The following NBEA variants were observed in gnomAD, a reference collection of about 807,000 sequenced individuals.
NBEA encodes the protein neurobeachin, also known as lysosomal-trafficking regulator 2.
In NBEA, 44 loss-of-function variants were observed where a neutral mutation model predicts 343.4. The observed-to-expected ratio is 0.13, with a 90% CI of 0.10 to 0.16. NBEA has a LOEUF of 0.16. Among genes scored for constraint, NBEA ranks in the 10% least tolerant of loss-of-function variants. The pLI, the probability that NBEA is intolerant of heterozygous loss-of-function variation, is 1.00. For synonymous variants in NBEA, 1,175 were observed against 1,238.7 expected, an observed-to-expected ratio of 0.95 and a Z score of 1.08; for missense variants, 2,555 against 3,631.3, an observed-to-expected ratio of 0.70 and a Z score of 7.62.
At chr13:35,534,455 C>T (rs527398979) in intron 41 of NBEA, among the ~76,000 whole-genome samples, 1 of 152,164 alleles carries the variant, frequency 6.6e-6, no homozygotes. Flanking sequence ...CAGTTTTAAT[C>T]TTATAACCAC....
intron 34 of NBEA, among the ~76,000 whole-genome samples, chr13:35,257,242 G>C (rs2032717877): frequency 6.6e-6 from 1 of 152,226 alleles, no homozygotes; most frequent in Admixed American, 6.5e-5. Context: ...ATTTTTATAT[G>C]AGGCATGTAC....
At chr13:35,209,054 A>G (rs561258431) in intron 32 of NBEA, among the ~76,000 whole-genome samples, 200 bp downstream of exon 32, 1 of 152,254 alleles carries the variant, frequency 6.6e-6, no homozygotes, top group African/African-American at 2.4e-5. Context: ...TTTAGAGGAC[A>G]GTATTGGTTT....
chr13:35,346,136 C>T (rs1039818202), intron 36 of NBEA, among the ~76,000 whole-genome samples: 1 of 152,130 alleles, frequency 6.6e-6, no homozygotes, highest in African/African-American at 2.4e-5. Context: ...ACCCCCACAG[C>T]CATGCTGCTT....
chr13:35,059,294 T>G (rs1401217281), intron 8 of NBEA, among the ~76,000 whole-genome samples: 1 of 151,978 alleles, frequency 6.6e-6, no homozygotes. Context: ...CAATTTTAGC[T>G]TATAGTTTTG....
intron 41 of NBEA, among the ~76,000 whole-genome samples, chr13:35,501,483 A>G (rs796243802): frequency 9.9e-5 from 15 of 152,164 alleles, no homozygotes; most frequent in Non-Finnish European, 1.8e-4. Context: ...TCTTCTTGTT[A>G]TTTTTCAAAG....
chr13:35,333,895 A>ATAT (rs2039082522), intron 36 of NBEA, among the ~76,000 whole-genome samples: 1 of 152,106 alleles, frequency 6.6e-6, no homozygotes, highest in Non-Finnish European at 1.5e-5. Flanking sequence ...TTATGGCTGA[A>ATAT]TATTACTCCA....
chr13:35,194,628 A>C (rs1260341310), intron 30 of NBEA, among the ~76,000 whole-genome samples: 1 of 152,120 alleles, frequency 6.6e-6, no homozygotes, highest in African/African-American at 2.4e-5. Context: ...ATAGTAGCTT[A>C]ATGGTATCTT....
At position 35,188,164 on chromosome 13, in the gene NBEA, G is replaced by T. The variant is rs747334965; in HGVS notation, c.4927+4093G>T. Among the ~76,000 whole-genome samples the T allele has an allele frequency of 5.3e-5, 8 of 151,502 alleles. No individual in the cohort carries two copies. In the East Asian group the frequency reaches 7.7e-4, roughly 15 times the overall value. ...ACTTTTTTTTAGTTTATGTATTTAT[G>T]GTGTACAATGTGATATACTGATATT... On this transcript the variant is annotated intron_variant, in intron 30 of 58. Transcript: ENST00000379939.
Position 35,386,356 on chromosome 13 carries a change from T to G in NBEA, c.6179+34033T>G, listed in dbSNP as rs73169747. Among the ~76,000 whole-genome samples the G allele has an allele frequency of 6.3e-3, 964 of 152,264 alleles. 2 individuals carry two copies. Among genetic ancestry groups the G allele is most frequent in the Middle Eastern group, 0.014 (4 of 292 alleles). The stretch of plus-strand genomic sequence containing the variant: ...CGTACATTTGTGAATTAAGAAACAA[T>G]TAAGTGTTCTCTGTCCCCAAAATAT... On this transcript the variant is annotated intron_variant, in intron 38 of 58. Coordinates refer to ENST00000379939, the MANE Select transcript of NBEA (RefSeq NM_001385012.1).
At chr13:35,251,310 C>A in intron 34 of NBEA, 1 of 851,520 alleles carries the variant, frequency 1.2e-6, no homozygotes, top group Non-Finnish European at 1.4e-6. Context: ...CCCTGTGCAT[C>A]CGCTTCCAGC....
chr13:34,987,810 C>T, intron 1 of NBEA, among the ~76,000 whole-genome samples: 1 of 151,128 alleles, frequency 6.6e-6, no homozygotes, highest in Non-Finnish European at 1.5e-5. Flanking sequence ...GTGCATGCAT[C>T]ACATAGTTCT....
At chr13:35,055,952 A>G (rs1046844801) in intron 6 of NBEA, 58 bp from the exon 7 acceptor site, 82 of 1,394,478 alleles carry the variant, frequency 5.9e-5, no homozygotes, top group Admixed American at 4.3e-4. Context: ...TTACAATTGC[A>G]TTTTAGACTG....
chr13:35,095,444 A>G (rs2065285222), intron 10 of NBEA, among the ~76,000 whole-genome samples: 1 of 151,652 alleles, frequency 6.6e-6, no homozygotes, highest in African/African-American at 2.4e-5. Context: ...AGAAGTAATA[A>G]ATATGCTAAT....
rs534602386 is a variant in NBEA at position 35,366,660 on chromosome 13, T to C, written c.6179+14337T>C. Reference sequence around the variant, plus strand: ...CTCAAACATAAATTTTTAACTACAGTACGTTCCTCTTTCCCCCAATGTAAG... The same window carrying C: ...CTCAAACATAAATTTTTAACTACAGCACGTTCCTCTTTCCCCCAATGTAAG... On this transcript the variant is annotated intron_variant, in intron 38 of 58. Transcript: ENST00000379939. Among the ~76,000 whole-genome samples the C allele has an allele frequency of 1.9e-3, 291 of 151,074 alleles. 3 individuals are homozygous for C. The highest frequency in any genetic ancestry group is 6.5e-3 in the African/African-American group (267 of 41,378).
chr13:35,164,164 C>T (rs1467781320), intron 23 of NBEA, among the ~76,000 whole-genome samples, 192 bp from the exon 24 acceptor site: 2 of 152,032 alleles, frequency 1.3e-5, no homozygotes, highest in African/African-American at 4.8e-5. Flanking sequence ...TTGGATACAA[C>T]AAAATCCTGT....
chr13:35,584,111 A>C, intron 46 of NBEA, 73 bp downstream of exon 46: 2 of 1,351,898 alleles, frequency 1.5e-6, no homozygotes, highest in South Asian at 2.5e-5. Context: ...AATAAAAATC[A>C]AATCAGTTGT....
chr13:35,426,757 A>T (rs1233850065), intron 38 of NBEA, among the ~76,000 whole-genome samples: 1 of 152,052 alleles, frequency 6.6e-6, no homozygotes, highest in Non-Finnish European at 1.5e-5. Flanking sequence ...ACTTGGTTCC[A>T]TTCTCCCCAT....
At chr13:35,055,246 C>T (rs994258161) in intron 6 of NBEA, among the ~76,000 whole-genome samples, 5 of 151,958 alleles carry the variant, frequency 3.3e-5, no homozygotes, top group African/African-American at 1.2e-4. Flanking sequence ...TCTATATTCT[C>T]GATTTTAGGC....
rs369053406 is a variant in NBEA, at chr13:35,171,497, G to A, written c.4423+45G>A. The stretch of plus-strand genomic sequence containing the variant: ...AGTGCATGTCAAATAATTATCTACA[G>A]AGCAGCTTTATAAAGCACTATGGTA... On this transcript the variant is annotated intron_variant, in intron 26 of 58. Transcript: ENST00000379939. 7 of 1,513,494 alleles carry A rather than the reference G, an allele frequency of 4.6e-6. No individual in the cohort carries two copies. The African/African-American group carries it at 9.6e-5, about 21-fold the overall frequency. The allele number at this position is 1,513,494 out of a possible 1,614,324, so 93.8% of individuals were successfully genotyped here. A position where few individuals can be genotyped will look rare whatever the true frequency, so the allele number is the denominator to read the frequency against.
Sources: allele counts gnomAD v4.1 joint callset (sites outside exome capture counted in the v4.1 genomes callset), GRCh38; gene constraint gnomAD v4.1.1; transcripts MANE v1.5; gene names NCBI Gene and HGNC (gene_info 2026-07-23, HGNC 2026-07-21).